Variants in ANKS1B observed in about 807,000 individuals in gnomAD.
The protein encoded by ANKS1B is ankyrin repeat and sterile alpha motif domain-containing protein 1B.
In ANKS1B, 36 loss-of-function variants were observed where a neutral mutation model predicts 148.3. The ratio of observed to expected loss-of-function variants is 0.24; its 90% confidence interval spans 0.19 to 0.32. The LOEUF is 0.32. Among genes scored for constraint, ANKS1B ranks in the 10% least tolerant of loss-of-function variants. ANKS1B has a pLI of 1.00. For synonymous variants in ANKS1B, 542 were observed against 560.8 expected (o/e 0.97, Z 0.47); for missense variants, 1,157 against 1,542.6 (o/e 0.75, Z 4.19).
At chr12:99,708,791 A>G (rs1045206960) in intron 8 of ANKS1B, among the ~76,000 whole-genome samples, 1 of 152,126 alleles carries the variant, frequency 6.6e-6, no homozygotes, top group Non-Finnish European at 1.5e-5. Flanking sequence ...ACATCTGCAA[A>G]GGCTCTTTTG....
At chr12:98,994,771 G>A (rs1176713222) in intron 17 of ANKS1B, among the ~76,000 whole-genome samples, 1 of 152,130 alleles carries the variant, frequency 6.6e-6, no homozygotes, top group African/African-American at 2.4e-5. Context: ...GCATGTTTAT[G>A]TCCCAATTTC....
intron 1 of ANKS1B, among the ~76,000 whole-genome samples, chr12:99,942,136 A>G (rs1347269941): frequency 6.6e-6 from 1 of 152,156 alleles, no homozygotes; most frequent in Non-Finnish European, 1.5e-5. Context: ...TAACGAGATG[A>G]GAGAAGGCAA....
At chr12:99,427,822 C>T (rs997356211) in intron 11 of ANKS1B, among the ~76,000 whole-genome samples, 2 of 152,030 alleles carry the variant, frequency 1.3e-5, no homozygotes, top group Non-Finnish European at 2.9e-5. Flanking sequence ...TGGATCCTAC[C>T]TAAAAGAAAG....
chr12:99,872,416 T>C (rs1371495558), intron 1 of ANKS1B, among the ~76,000 whole-genome samples: 1 of 152,104 alleles, frequency 6.6e-6, no homozygotes, highest in Non-Finnish European at 1.5e-5. Context: ...TATGATATAC[T>C]TCAATTTTTT....
At chr12:99,370,037 G>T (rs938068785) in intron 12 of ANKS1B, among the ~76,000 whole-genome samples, 2 of 152,012 alleles carry the variant, frequency 1.3e-5, no homozygotes, top group Non-Finnish European at 2.9e-5. Context: ...GATGAGATAC[G>T]ATAGAACATA....
intron 8 of ANKS1B, among the ~76,000 whole-genome samples, chr12:99,662,979 C>A (rs931654112): frequency 6.6e-6 from 1 of 152,122 alleles, no homozygotes; most frequent in Non-Finnish European, 1.5e-5. Context: ...ATCTTATCTG[C>A]AAATTTGCAT....
chr12:98,941,664 CA>C (rs2099836932), intron 17 of ANKS1B, among the ~76,000 whole-genome samples: 1 of 152,164 alleles, frequency 6.6e-6, no homozygotes, highest in Non-Finnish European at 1.5e-5. Flanking sequence ...AATCTCAGGG[CA>C]AATCTGCCCC....
At chr12:99,813,866 C>T (rs1042849435) in intron 2 of ANKS1B, among the ~76,000 whole-genome samples, 3 of 151,666 alleles carry the variant, frequency 2.0e-5, no homozygotes, top group African/African-American at 7.3e-5. Context: ...ATGCAAACTA[C>T]CTGAGGCTGT....
chr12:99,518,567 T>C (rs2096844867), intron 9 of ANKS1B, among the ~76,000 whole-genome samples: 1 of 152,124 alleles, frequency 6.6e-6, no homozygotes, highest in Non-Finnish European at 1.5e-5. Flanking sequence ...GTCTCCTTTT[T>C]CATCTCTGAA....
At chr12:99,308,729 A>G (rs2082694624) in intron 12 of ANKS1B, among the ~76,000 whole-genome samples, 2 of 151,876 alleles carry the variant, frequency 1.3e-5, no homozygotes, top group Non-Finnish European at 2.9e-5. Context: ...TATTAAGTCA[A>G]GCCATTTTGG....
At chr12:99,598,236 T>C (rs192062463) in intron 9 of ANKS1B, among the ~76,000 whole-genome samples, 4 of 152,196 alleles carry the variant, frequency 2.6e-5, no homozygotes, top group Admixed American at 2.0e-4. Context: ...GAATAGTGAC[T>C]TAATAGTAGC....
At chr12:99,873,303 C>A (rs1460878227) in intron 1 of ANKS1B, among the ~76,000 whole-genome samples, 1 of 152,098 alleles carries the variant, frequency 6.6e-6, no homozygotes, top group Non-Finnish European at 1.5e-5. Context: ...TAACCTTGTA[C>A]TGGGGGATTT....
At chr12:99,200,521 T>C (rs534608182) in intron 14 of ANKS1B, among the ~76,000 whole-genome samples, 2 of 152,334 alleles carry the variant, frequency 1.3e-5, no homozygotes, top group Non-Finnish European at 2.9e-5. Flanking sequence ...ATCATATGAC[T>C]GGTAACATGT....
chr12:99,971,984 C>T (rs964522491), intron 1 of ANKS1B, among the ~76,000 whole-genome samples: 1 of 152,146 alleles, frequency 6.6e-6, no homozygotes, highest in Non-Finnish European at 1.5e-5. Flanking sequence ...GTGCTCAGTT[C>T]ATGTCTCTGT....
In ANKS1B at chr12:98,782,187, CAT is replaced by C. The variant is rs749690364; in HGVS notation, c.3343-52_3343-51del. ...GATGGGAACATAATAGGAGAGAAAA[CAT>C]ATAAAAGGTGAGAGAGAGGAAACCA... On this transcript the variant is annotated intron_variant, in intron 22 of 26. Transcript: ENST00000683438. The C allele has an allele frequency of 4.0e-6, 6 of 1,506,252 alleles. No homozygotes were observed. In the South Asian group the frequency reaches 7.1e-5, roughly 18 times the overall value. The allele number at this position is 1,506,252 out of a possible 1,614,324, so 93.3% of individuals were successfully genotyped here. A position where few individuals can be genotyped will look rare whatever the true frequency, so the allele number is the denominator to read the frequency against.
At chr12:99,940,497 C>G (rs1334310893) in intron 1 of ANKS1B, among the ~76,000 whole-genome samples, 1 of 152,060 alleles carries the variant, frequency 6.6e-6, no homozygotes, top group African/African-American at 2.4e-5. Context: ...TCGCTCCTAT[C>G]AGGGGCAAGA....
Position 99,444,788 on chromosome 12 carries a change from G to T in ANKS1B, c.1439-979C>A, listed in dbSNP as rs537080676. On this transcript the variant is annotated intron_variant, in intron 10 of 26. Transcript: ENST00000683438. ...AATAATTTTCTTTCCTAGACAGTTA[G>T]CTGAACTGATTGCAAAAGAGACTGA... Among the ~76,000 whole-genome samples the T allele has an allele frequency of 2.6e-5, 4 of 152,082 alleles. No homozygotes were observed. In the East Asian group the frequency reaches 7.7e-4, roughly 29 times the overall value.
intron 15 of ANKS1B, among the ~76,000 whole-genome samples, chr12:99,099,539 T>C (rs1339440438): frequency 6.6e-6 from 1 of 152,184 alleles, no homozygotes; most frequent in Non-Finnish European, 1.5e-5. Flanking sequence ...TGCCTTGGAA[T>C]GCTCCTTTGG....
intron 17 of ANKS1B, among the ~76,000 whole-genome samples, chr12:98,846,025 C>CATT (rs2099463559): frequency 6.7e-6 from 1 of 149,868 alleles, no homozygotes; most frequent in Non-Finnish European, 1.5e-5. Context: ...CACATACACA[C>CATT]ATATATATAT....
Sources: gnomAD v4.1 joint callset for allele counts (sites outside exome capture counted in the v4.1 genomes callset) on GRCh38, gnomAD v4.1.1 for gene constraint, MANE v1.5 for transcripts, NCBI Gene and HGNC (gene_info 2026-07-23, HGNC 2026-07-21) for gene names.